GLCCI1: variants seen among roughly 807,000 people sequenced by gnomAD.
GLCCI1 encodes glucocorticoid-induced transcript 1 protein.
A neutral mutation model predicts 52.2 loss-of-function variants in GLCCI1; 24 were observed. That is an observed-to-expected ratio of 0.46 (90% CI 0.33 to 0.65). GLCCI1 has a LOEUF of 0.65. GLCCI1 is among the 30% of genes least tolerant of loss of function. The probability of loss-of-function intolerance (pLI) is 0.02; values close to 1 mark genes in which losing one functional copy is unlikely to be tolerated. For synonymous variants in GLCCI1, 310 were observed against 276.5 expected (o/e 1.12, Z -1.20); for missense variants, 704 against 701.5 (o/e 1.00, Z -0.04).
intron 5 of GLCCI1, chr7:8,070,156 A>G (rs1371627633): frequency 2.0e-5 from 3 of 152,226 alleles, no homozygotes; most frequent in African/African-American, 4.8e-5. Flanking sequence ...AAACAAAACA[A>G]TGGACCAGTG....
chr7:8,083,153 G>T (rs1329673578), intron 6 of GLCCI1, among the ~76,000 whole-genome samples: 1 of 152,038 alleles, frequency 6.6e-6, no homozygotes, highest in Non-Finnish European at 1.5e-5. Context: ...GGATACATAG[G>T]TGTATATATT....
At chr7:8,004,392 C>T (rs116326884) in intron 2 of GLCCI1, 2,761 of 171,474 alleles carry the variant, frequency 0.016, 70 homozygotes, top group East Asian at 0.082. Context: ...GAGTTTGCAC[C>T]GTTCTTGAAA....
intron 5 of GLCCI1, among the ~76,000 whole-genome samples, chr7:8,066,325 C>A (rs2127962964): frequency 6.6e-6 from 1 of 152,070 alleles, no homozygotes; most frequent in Middle Eastern, 3.4e-3. Flanking sequence ...CTCATTCTTT[C>A]AAAGAATTAA....
intron 1 of GLCCI1, among the ~76,000 whole-genome samples, chr7:7,995,998 A>G (rs1780930905): frequency 6.6e-6 from 1 of 151,950 alleles, no homozygotes; most frequent in Admixed American, 6.6e-5. Flanking sequence ...CTTGTTAAAA[A>G]CAGTTTTTCT....
chr7:8,031,236 C>T (rs968126973), intron 3 of GLCCI1, among the ~76,000 whole-genome samples: 3 of 152,040 alleles, frequency 2.0e-5, no homozygotes, highest in African/African-American at 7.2e-5. Flanking sequence ...ATCATAATGA[C>T]GTCCAGTTCC....
chr7:7,990,017 A>T (rs1780808475), intron 1 of GLCCI1, among the ~76,000 whole-genome samples: 1 of 152,014 alleles, frequency 6.6e-6, no homozygotes, highest in South Asian at 2.1e-4. Context: ...AAAGGATTTT[A>T]AAAATGTAAT....
intron 1 of GLCCI1, among the ~76,000 whole-genome samples, chr7:7,986,457 G>A (rs1387737331): frequency 2.0e-5 from 3 of 151,162 alleles, no homozygotes; most frequent in Admixed American, 6.6e-5. Flanking sequence ...CCTGCTAGGC[G>A]GCGCTTGCAG....
intron 4 of GLCCI1, among the ~76,000 whole-genome samples, chr7:8,058,314 A>C (rs75592675): frequency 6.6e-6 from 1 of 152,302 alleles, no homozygotes; most frequent in Admixed American, 6.5e-5. Flanking sequence ...AGTATTTTTC[A>C]AATAGCAATT....
intron 6 of GLCCI1, chr7:8,078,499 T>C (rs1192618779): frequency 6.6e-6 from 1 of 152,250 alleles, no homozygotes; most frequent in Non-Finnish European, 1.5e-5. Context: ...AGGTGATATA[T>C]GTATATAATT....
chr7:7,990,579 G>C (rs904093785), intron 1 of GLCCI1, among the ~76,000 whole-genome samples: 4 of 152,042 alleles, frequency 2.6e-5, no homozygotes, highest in African/African-American at 9.7e-5. Context: ...GAATTGTTGA[G>C]GTGAAAGGTG....
At chr7:8,078,471 A>C (rs1165722509) in intron 6 of GLCCI1, 1 of 152,216 alleles carries the variant, frequency 6.6e-6, no homozygotes, top group East Asian at 1.9e-4. Flanking sequence ...TACCCCTAAT[A>C]AAAGTTTATA....
At chr7:7,995,371 G>A (rs978120520) in intron 1 of GLCCI1, among the ~76,000 whole-genome samples, 6 of 152,228 alleles carry the variant, frequency 3.9e-5, no homozygotes, top group Admixed American at 2.0e-4. Flanking sequence ...TTAGCTGGGC[G>A]TGGTAGCATG....
At chr7:7,992,089 TTCTTTCTTTCTG>T (rs1298841267) in intron 1 of GLCCI1, among the ~76,000 whole-genome samples, 16 of 138,176 alleles carry the variant, frequency 1.2e-4, no homozygotes, top group South Asian at 4.6e-4. Flanking sequence ...CTTTCTTTCT[TTCTTTCTTTCTG>T]TCTGTTTCTC....
chr7:8,070,024 A>T (rs1373685310), intron 5 of GLCCI1: 1 of 152,242 alleles, frequency 6.6e-6, no homozygotes, highest in Non-Finnish European at 1.5e-5. Context: ...ACAAATGAAG[A>T]ATATGGAGTA....
chr7:8,035,452 A>G (rs1387376072), intron 3 of GLCCI1, among the ~76,000 whole-genome samples: 1 of 152,224 alleles, frequency 6.6e-6, no homozygotes, highest in African/African-American at 2.4e-5. Context: ...GCGTATCACA[A>G]GACAGCCATT....
chr7:8,065,433 A>G (rs1276990025), intron 5 of GLCCI1, among the ~76,000 whole-genome samples: 1 of 152,090 alleles, frequency 6.6e-6, no homozygotes, highest in Non-Finnish European at 1.5e-5. Context: ...CAGGACTTCC[A>G]GTACTATGTT....
intron 5 of GLCCI1, 152 bp from the exon 6 acceptor site, chr7:8,070,769 A>T: frequency 3.1e-6 from 2 of 637,684 alleles, no homozygotes; most frequent in East Asian, 2.8e-5. Flanking sequence ...ATACGCAGAA[A>T]TTAGCTTAAG....
chr7:8,032,751 G>A (rs1326871626), intron 3 of GLCCI1, among the ~76,000 whole-genome samples: 3 of 151,920 alleles, frequency 2.0e-5, no homozygotes, highest in Non-Finnish European at 2.9e-5. Flanking sequence ...AAGTAAAGAA[G>A]CTGAATAAAT....
At chr7:8,061,990 T>C (rs1225868842) in intron 5 of GLCCI1, among the ~76,000 whole-genome samples, 1 of 152,118 alleles carries the variant, frequency 6.6e-6, no homozygotes, top group Admixed American at 6.5e-5. Flanking sequence ...TTTTTATGCA[T>C]TAAGTGAAGT....
Sources: allele counts gnomAD v4.1 joint callset (sites outside exome capture counted in the v4.1 genomes callset), GRCh38; gene constraint gnomAD v4.1.1; transcripts MANE v1.5; gene names NCBI Gene and HGNC (gene_info 2026-07-23, HGNC 2026-07-21).